PLSCR5: variants seen among roughly 807,000 people sequenced by gnomAD.
PLSCR5 encodes phospholipid scramblase family member 5, also known as phospholipid scramblase family, member 5.
Under a neutral mutation model 33.6 loss-of-function variants are expected in PLSCR5, and 44 were observed. The ratio of observed to expected loss-of-function variants is 1.31; its 90% confidence interval spans 1.03 to 1.69. The LOEUF (loss-of-function observed/expected upper bound fraction) is 1.69, where lower values mean the gene tolerates loss of function less well. PLSCR5 is among the 40% of genes most tolerant of loss of function. The pLI, the probability that PLSCR5 is intolerant of heterozygous loss-of-function variation, is 0.00. For synonymous variants in PLSCR5, 148 were observed against 112.3 expected (o/e 1.32, Z -2.01); for missense variants, 375 against 318.7 (o/e 1.18, Z -1.34).
At chr3:146,581,353 T>C (rs2044631764), downstream of PLSCR5, among the ~76,000 whole-genome samples, 1 of 152,200 alleles carries the variant, frequency 6.6e-6, no homozygotes, top group Non-Finnish European at 1.5e-5. Context: ...AACCTTAACG[T>C]GTTGTTATCT....
intron 6 of PLSCR5, among the ~76,000 whole-genome samples, chr3:146,587,669 G>A (rs990673863): frequency 1.3e-5 from 2 of 151,908 alleles, no homozygotes; most frequent in Non-Finnish European, 2.9e-5. Flanking sequence ...TAGGCAACAG[G>A]CAAGGTGGAC....
intron 2 of PLSCR5, among the ~76,000 whole-genome samples, chr3:146,598,198 T>C (rs1421256894): frequency 6.6e-6 from 1 of 152,166 alleles, no homozygotes; most frequent in Non-Finnish European, 1.5e-5. Flanking sequence ...ATATTAATTG[T>C]ATATTTCCTG....
At chr3:146,578,666 T>A (rs763577973) in intron 7 of PLSCR5, among the ~76,000 whole-genome samples, 3 of 152,120 alleles carry the variant, frequency 2.0e-5, no homozygotes, top group African/African-American at 4.8e-5. Flanking sequence ...AGATGAGAAA[T>A]GTTTGTAAGA....
Position 146,593,835 on chromosome 3 carries a change from G to A in PLSCR5, c.453+85C>T. On this transcript the variant is annotated intron_variant, in intron 4 of 7. Coordinates refer to ENST00000443512, the MANE Select transcript of PLSCR5 (RefSeq NM_001085420.2). Reference sequence around the variant, plus strand: ...AATTAAAACAACTGGCAGGTTAATTGCCTCATTGCTCCAGATGAATTCCTT... The same window carrying A: ...AATTAAAACAACTGGCAGGTTAATTACCTCATTGCTCCAGATGAATTCCTT... 3.2e-6 allele frequency: 4 copies of A among 1,239,740 alleles called. No individual in the cohort carries two copies. The South Asian group carries it at 3.9e-5, about 12-fold the overall frequency. 76.8% of individuals were successfully genotyped at this position (1,239,740 alleles called of 1,614,324 possible).
chr3:146,594,278 T>C, intron 3 of PLSCR5, 138 bp from the exon 4 acceptor site: 1 of 651,346 alleles, frequency 1.5e-6, no homozygotes, highest in Non-Finnish European at 2.5e-6. Context: ...CACAAATTTA[T>C]TTCTATGCTC....
chr3:146,591,750 T>A lies in PLSCR5; in HGVS notation c.585A>T (p.Thr195=). The A allele has an allele frequency of 6.2e-7, 1 of 1,611,578 alleles. No individual in the cohort carries two copies. The highest frequency in any genetic ancestry group is 1.1e-5 in the South Asian group (1 of 90,552). Residue 195 remains threonine, a synonymous_variant, in exon 5 of 8, where the codon ACA becomes ACT. Transcript: ENST00000443512. ...AATCCACATCGCCAAAACAGCCACATGTCACACAAGGACCAACAATTTTCA... is the reference window on the plus strand; with the variant it reads ...AATCCACATCGCCAAAACAGCCACAAGTCACACAAGGACCAACAATTTTCA... ...DILKIVGPCV[T]CGCFGDVDFE...
At chr3:146,587,758 A>G (rs79005668) in intron 6 of PLSCR5, among the ~76,000 whole-genome samples, 4,626 of 152,256 alleles carry the variant, frequency 0.03, 114 homozygotes, top group South Asian at 0.067. Flanking sequence ...CTAGCACTCT[A>G]TAGATATTAC....
chr3:146,589,285 G>A (rs1274998735), intron 6 of PLSCR5, among the ~76,000 whole-genome samples: 1 of 152,048 alleles, frequency 6.6e-6, no homozygotes, highest in Non-Finnish European at 1.5e-5. Context: ...AACCAGTCTG[G>A]AACTTTATCC....
intron 3 of PLSCR5, among the ~76,000 whole-genome samples, chr3:146,594,829 T>C (rs1427936572): frequency 6.6e-6 from 1 of 152,132 alleles, no homozygotes; most frequent in Non-Finnish European, 1.5e-5. Context: ...TCACCAAAGA[T>C]TCAGAGTTTT....
chr3:146,591,994 T>C (rs1170354746), intron 4 of PLSCR5, 113 bp from the exon 5 acceptor site: 1 of 946,652 alleles, frequency 1.1e-6, no homozygotes, highest in Non-Finnish European at 1.5e-6. Context: ...ATTTTGATAT[T>C]CTACAAATCA....
chr3:146,589,793 G>T lies in PLSCR5; in HGVS notation c.637C>A (p.Leu213Ile). The T allele has an allele frequency of 6.4e-7, 1 of 1,550,744 alleles. No homozygotes were observed. Among genetic ancestry groups the T allele is most frequent in the Non-Finnish European group, 8.8e-7 (1 of 1,136,166 alleles). ...TACTTTGAAATCTTCCCAATTGTAA[G>T]CTTTTCATTAATGGTTTTCACCTTT... ...DFEVKTINEK[L>I]TIGKISKYWS... is the part of the protein sequence containing the mutation. Residue 213 changes from leucine to isoleucine, a missense_variant, in exon 6 of 8, where the codon CTT (leucine) becomes ATT (isoleucine). Physicochemically the swap from Leu to Ile is conservative, Grantham distance 5. Coordinates refer to ENST00000443512, the MANE Select transcript of PLSCR5 (RefSeq NM_001085420.2).
Position 146,589,670 on chromosome 3 carries a change from C to A in PLSCR5, c.760G>T (p.Gly254Cys), listed in dbSNP as rs368225929. The change falls in exon 6 of 8, where the codon GGT becomes TGT. Residue 254 changes from glycine (G) to cysteine (C), a missense_variant. Coordinates refer to ENST00000443512, the MANE Select transcript of PLSCR5 (RefSeq NM_001085420.2). ...LDVTVKAAMI[G>C]ACFLFDFMFF... ...ATACTTACAAAGAGAAAACAGGCAC[C>A]GATCATTGCTGCTTTGACTGTTACA... 8 of 1,587,072 alleles carry A rather than the reference C, an allele frequency of 5.0e-6. No individual in the cohort carries two copies. The South Asian group carries it at 8.0e-5, about 16-fold the overall frequency.
chr3:146,580,080 T>A (rs1560104197), intron 7 of PLSCR5, among the ~76,000 whole-genome samples: 1 of 152,222 alleles, frequency 6.6e-6, no homozygotes, highest in African/African-American at 2.4e-5. Context: ...CTTTCCACCT[T>A]AAATGGTATT....
chr3:146,600,605 A>G (rs2044805068), intron 1 of PLSCR5, 142 bp from the exon 2 acceptor site: 1 of 871,396 alleles, frequency 1.1e-6, no homozygotes, highest in East Asian at 3.2e-5. Flanking sequence ...TCTTTTCACT[A>G]CTCACTGCCA....
At chr3:146,586,487 T>C (rs2044666873) in intron 6 of PLSCR5, among the ~76,000 whole-genome samples, 2 of 152,214 alleles carry the variant, frequency 1.3e-5, no homozygotes, top group Non-Finnish European at 2.9e-5. Context: ...CATAGTATTG[T>C]CAAACTTTTG....
Position 146,600,364 on chromosome 3 carries a change from C to T in PLSCR5, c.113G>A (p.Trp38Ter), listed in dbSNP as rs374073599. The T allele has an allele frequency of 3.7e-6, 6 of 1,609,498 alleles. No homozygotes were observed. Among genetic ancestry groups the T allele is most frequent in the South Asian group, 1.1e-5 (1 of 90,240 alleles). Residue 38 changes from tryptophan (W) to a stop codon, truncating the protein, a stop_gained, in exon 2 of 8, where the codon TGG becomes TAG. Coordinates refer to ENST00000443512, the MANE Select transcript of PLSCR5 (RefSeq NM_001085420.2). LOFTEE classifies it high-confidence loss of function. ...GCTTGGCAGAGGGAGACTCAGCTGC[C>T]ATGCTTGGTTCCCTGGATTGGAAGA... The part of the protein sequence containing the change: ...PASSNPGNQA[W>*]QLSLPLPSSF...
Position 146,594,101 on chromosome 3 carries a change from T to C in PLSCR5, c.272A>G (p.Lys91Arg), listed in dbSNP as rs779354904. The change falls in exon 4 of 8, where the codon AAA becomes AGA. Residue 91 changes from lysine to arginine, a missense_variant. Coordinates refer to ENST00000443512, the MANE Select transcript of PLSCR5 (RefSeq NM_001085420.2). ...GTETSNKYEI[K>R]NSLGQRIYFA... ...GTAAATTCTTTGTCCCAAGCTGTTT[T>C]TAATCTCATATTTGTTGGAGGTCTC... is the stretch of plus-strand genomic sequence containing the variant. 12 of 1,613,680 alleles carry C rather than the reference T, an allele frequency of 7.4e-6. No individual in the cohort carries two copies. The highest frequency in any genetic ancestry group is 2.7e-5 in the African/African-American group (2 of 74,910).
chr3:146,584,984 A>G (rs1032565217), downstream of PLSCR5, among the ~76,000 whole-genome samples: 7 of 152,160 alleles, frequency 4.6e-5, no homozygotes, highest in Non-Finnish European at 1.0e-4. Flanking sequence ...TAGAGCCTAC[A>G]TGGCTTCATG....
chr3:146,586,037 T>A lies in PLSCR5; in HGVS notation c.*37A>T, dbSNP rs756344884. 1 of 1,466,424 alleles carries A rather than the reference T, an allele frequency of 6.8e-7. No individual in the cohort carries two copies. Among genetic ancestry groups the A allele is most frequent in the South Asian group, 1.4e-5 (1 of 73,932 alleles). The allele number at this position is 1,466,424 out of a possible 1,614,324, so 90.8% of individuals were successfully genotyped here. The stretch of plus-strand genomic sequence containing the variant: ...AACTTGCTTTTTACTTACTGAAATA[T>A]GTTCTGCATATTTTATTGTTTTCAT... On this transcript the variant is annotated 3_prime_UTR_variant, in exon 7 of 8. Transcript: ENST00000443512.
Sources: allele counts gnomAD v4.1 joint callset (sites outside exome capture counted in the v4.1 genomes callset), GRCh38; gene constraint gnomAD v4.1.1; transcripts MANE v1.5; gene names NCBI Gene and HGNC (gene_info 2026-07-23, HGNC 2026-07-21).